Variants in TICAM2 observed in about 807,000 individuals in gnomAD.
TICAM2 encodes the protein TIR domain-containing adapter molecule 2.
Under a neutral mutation model 7.3 loss-of-function variants are expected in TICAM2, and 8 were observed. That is an observed-to-expected ratio of 1.10 (90% CI 0.65 to 1.99). The LOEUF (loss-of-function observed/expected upper bound fraction) is 1.99, where lower values mean the gene tolerates loss of function less well. TICAM2 is among the 30% of genes most tolerant of loss of function. The probability of loss-of-function intolerance (pLI) is 0.00; values close to 1 mark genes in which losing one functional copy is unlikely to be tolerated. For synonymous variants in TICAM2, 113 were observed against 99.6 expected (o/e 1.13, Z -0.80); for missense variants, 304 against 278.8 (o/e 1.09, Z -0.65).
rs1273630689 is a variant in TICAM2 at position 115,580,895 on chromosome 5, T to C, written c.362A>G (p.His121Arg). 1 of 1,613,846 alleles carries C rather than the reference T, an allele frequency of 6.2e-7. No individual in the cohort carries two copies. Residue 121 changes from histidine (H) to arginine (R), a missense_variant, in exon 2 of 2, where the codon CAT becomes CGT. Physicochemically the swap from His to Arg is conservative, Grantham distance 29. Coordinates refer to ENST00000427199, the MANE Select transcript of TICAM2 (RefSeq NM_021649.7). Reference sequence around the variant, plus strand: ...TACAGCATCATCTAAATTCTGTAAATGCTGTCTGCCACATGGCATCTCAGC... The same window carrying C: ...TACAGCATCATCTAAATTCTGTAAACGCTGTCTGCCACATGGCATCTCAGC... ...IFAEMPCGRQ[H>R]LQNLDDAVNG...
chr5:115,586,418 GAAAAAA>G (rs3072127), intron 1 of TICAM2, among the ~76,000 whole-genome samples: 2 of 133,394 alleles, frequency 1.5e-5, no homozygotes, highest in Non-Finnish European at 3.2e-5. Context: ...TAGAGTGTTG[GAAAAAA>G]AAAAAAAAAA....
intron 1 of TICAM2, among the ~76,000 whole-genome samples, chr5:115,596,421 G>A (rs1249824491): frequency 6.6e-6 from 1 of 152,132 alleles, no homozygotes; most frequent in Non-Finnish European, 1.5e-5. Flanking sequence ...GGCTCCTTCA[G>A]CTTCAACCTC....
chr5:115,590,140 G>C (rs1321018773), intron 1 of TICAM2, among the ~76,000 whole-genome samples: 1 of 152,052 alleles, frequency 6.6e-6, no homozygotes, highest in Non-Finnish European at 1.5e-5. Context: ...TTATGGCCAG[G>C]AGTTTGAGAC....
At chr5:115,601,503 T>C (rs566554559) in intron 1 of TICAM2, among the ~76,000 whole-genome samples, 80 of 152,262 alleles carry the variant, frequency 5.3e-4, no homozygotes, top group Admixed American at 1.6e-3. Flanking sequence ...TAATGGTGTA[T>C]TTTTACCTCC....
At chr5:115,587,832 C>T (rs1351972916) in intron 1 of TICAM2, among the ~76,000 whole-genome samples, 1 of 152,054 alleles carries the variant, frequency 6.6e-6, no homozygotes, top group Non-Finnish European at 1.5e-5. Context: ...AAGTTAGTTG[C>T]TTGCTTAAAT....
intron 1 of TICAM2, among the ~76,000 whole-genome samples, chr5:115,592,141 C>A (rs537845720): frequency 6.6e-6 from 1 of 152,172 alleles, no homozygotes; most frequent in South Asian, 2.1e-4. Context: ...AATCTAGAGT[C>A]ATATACAAAG....
intron 1 of TICAM2, among the ~76,000 whole-genome samples, chr5:115,590,220 G>T (rs567891485): frequency 2.0e-5 from 3 of 152,044 alleles, no homozygotes; most frequent in South Asian, 4.2e-4. Context: ...AAAAGAATGA[G>T]GATCACTTGA....
intron 1 of TICAM2, among the ~76,000 whole-genome samples, chr5:115,587,331 T>C (rs1277034604): frequency 6.6e-6 from 1 of 152,188 alleles, no homozygotes; most frequent in Non-Finnish European, 1.5e-5. Context: ...TGGTGACCTA[T>C]GGGACTTTGA....
intron 1 of TICAM2, among the ~76,000 whole-genome samples, chr5:115,599,575 T>A (rs1368015186): frequency 6.6e-6 from 1 of 152,190 alleles, no homozygotes; most frequent in Non-Finnish European, 1.5e-5. Context: ...GAGAGTAGCA[T>A]TCAGTATTTA....
chr5:115,582,420 G>A (rs528036976), intron 1 of TICAM2, among the ~76,000 whole-genome samples: 7 of 145,918 alleles, frequency 4.8e-5, no homozygotes, highest in Non-Finnish European at 8.9e-5. Context: ...CAATCCTCCC[G>A]CCTCAGCCTC....
chr5:115,598,270 T>C (rs568949957), intron 1 of TICAM2, among the ~76,000 whole-genome samples: 1 of 152,322 alleles, frequency 6.6e-6, no homozygotes, highest in Admixed American at 6.5e-5. Context: ...ACATGCTCTA[T>C]CTCTACGTTC....
chr5:115,580,464 A>G lies in TICAM2; in HGVS notation c.*85T>C. On this transcript the variant is annotated 3_prime_UTR_variant, in exon 2 of 2. Transcript: ENST00000427199. ...AAGGTGAAGACTCTCTTTTATTTAA[A>G]CATTTCCTAGAAACTGCTTTCTCAA... The G allele has an allele frequency of 7.1e-7, 1 of 1,413,246 alleles. No homozygotes were observed. The highest frequency in any genetic ancestry group is 1.6e-5 in the South Asian group (1 of 61,510). 87.5% of individuals were successfully genotyped at this position (1,413,246 alleles called of 1,614,324 possible).
intron 1 of TICAM2, among the ~76,000 whole-genome samples, chr5:115,591,665 A>G (rs1202429832): frequency 2.0e-5 from 3 of 152,192 alleles, no homozygotes; most frequent in Non-Finnish European, 4.4e-5. Context: ...TCATTAGATT[A>G]GATCAGCAGC....
intron 1 of TICAM2, among the ~76,000 whole-genome samples, chr5:115,600,968 C>T (rs1242496556): frequency 1.3e-5 from 2 of 152,128 alleles, no homozygotes; most frequent in African/African-American, 4.8e-5. Flanking sequence ...AACACAGATG[C>T]CCATGATTCA....
rs1386812946 is a variant in TICAM2, at chr5:115,578,778, A to AG, written c.*1770_*1771insC. 2 of 151,992 alleles carry AG rather than the reference A, an allele frequency of 1.3e-5. No individual in the cohort carries two copies. Among genetic ancestry groups the AG allele is most frequent in the Non-Finnish European group, 2.9e-5 (2 of 67,982 alleles). 9.4% of individuals were successfully genotyped at this position (151,992 alleles called of 1,614,324 possible). On this transcript the variant is annotated 3_prime_UTR_variant, in exon 2 of 2. Transcript: ENST00000427199. ...TGGCTTTACAGGAAGCATTATGGCA[A>AG]AAAAATGAATACTTATTATGAAAAC...
chr5:115,600,608 A>C (rs1462606723), intron 1 of TICAM2, among the ~76,000 whole-genome samples: 4 of 152,196 alleles, frequency 2.6e-5, no homozygotes, highest in African/African-American at 9.7e-5. Context: ...AAGAAAAAAG[A>C]ATATTGAGGA....
intron 1 of TICAM2, chr5:115,581,703 A>G: frequency 5.8e-6 from 1 of 172,030 alleles, no homozygotes; most frequent in Admixed American, 5.7e-5. Flanking sequence ...GTAGACTAGA[A>G]ACAGGAAAAT....
intron 1 of TICAM2, among the ~76,000 whole-genome samples, chr5:115,582,583 C>T (rs1754968654): frequency 6.6e-6 from 1 of 152,074 alleles, no homozygotes; most frequent in African/African-American, 2.4e-5. Flanking sequence ...CTTCAGAAAA[C>T]ATTGGCAATA....
chr5:115,598,561 G>A lies in TICAM2; in HGVS notation c.-60+3536C>T, dbSNP rs543025290. ...TCACTCAGTTGCTAGGAAGCTCCAC[G>A]TTAATGAGTGCTCTGGCCAACAGAC... On this transcript the variant is annotated intron_variant, in intron 1 of 1. Transcript: ENST00000427199. Among the ~76,000 whole-genome samples the A allele has an allele frequency of 3.3e-5, 5 of 152,264 alleles. No individual in the cohort carries two copies. In the East Asian group the frequency reaches 7.7e-4, roughly 23 times the overall value.
Sources: gnomAD v4.1 joint callset for allele counts (sites outside exome capture counted in the v4.1 genomes callset) on GRCh38, gnomAD v4.1.1 for gene constraint, MANE v1.5 for transcripts, NCBI Gene and HGNC (gene_info 2026-07-23, HGNC 2026-07-21) for gene names.